The following PPP2R3B variants were observed in gnomAD, a reference collection of about 807,000 sequenced individuals.
PPP2R3B encodes protein phosphatase 2 regulatory subunit B''beta, also known as serine/threonine-protein phosphatase 2A regulatory subunit B'' subunit beta.
Under a neutral mutation model 72.9 loss-of-function variants are expected in PPP2R3B, and 68 were observed. That is an observed-to-expected ratio of 0.93 (90% CI 0.77 to 1.14). The LOEUF is 1.14. PPP2R3B is among the 50% of genes most tolerant of loss of function. The pLI is 0.00. For missense variants in PPP2R3B, 1,018 were observed against 842.0 expected, an observed-to-expected ratio of 1.21 and a Z score of -2.59; for synonymous variants, 466 against 375.8, an observed-to-expected ratio of 1.24 and a Z score of -2.78.
intron 12 of PPP2R3B, chrX:337,629 G>A (rs1405842218): frequency 6.6e-6 from 1 of 152,328 alleles, no homozygotes; most frequent in Non-Finnish European, 1.5e-5. Flanking sequence ...CTGAGTCTAA[G>A]ATTCACACAC....
Position 346,198 on chromosome X carries a change from C to T in PPP2R3B, c.855G>A (p.Glu285=). The T allele has an allele frequency of 1.3e-6, 2 of 1,565,932 alleles. No homozygotes were observed. The highest frequency in any genetic ancestry group is 1.4e-5 in the African/African-American group (1 of 73,672). ...CCTGCAGGAAGGAGCTCCTCCGCAGCTCGGCGCAGGTGATCCTGCCGGACC... is the reference window on the plus strand; with the variant it reads ...CCTGCAGGAAGGAGCTCCTCCGCAGTTCGGCGCAGGTGATCCTGCCGGACC... ...RSWSGRITCA[E]LRRSSFLQNV... is the part of the protein sequence containing the mutation. Residue 285 remains glutamate, a synonymous_variant, in exon 6 of 13, where the codon GAG becomes GAA. Transcript: ENST00000390665.
chrX:367,195 G>A (rs1226837042), intron 1 of PPP2R3B, among the ~76,000 whole-genome samples: 4 of 152,138 alleles, frequency 2.6e-5, no homozygotes, highest in African/African-American at 4.8e-5. Flanking sequence ...TGAAGAGCAG[G>A]TCAGCGGTAA....
Position 347,291 on chromosome X carries a change from C to A in PPP2R3B, c.660G>T (p.Leu220=). Residue 220 remains leucine, a synonymous_variant, in exon 4 of 13, where the codon CTG becomes CTT. Coordinates refer to ENST00000390665, the MANE Select transcript of PPP2R3B (RefSeq NM_013239.5). ...CHDDAAKFVH[L]LMSPGCNYLV... Reference sequence around the variant, plus strand: ...GGTAGTTGCAGCCGGGGCTCATGAGCAGATGGACGAACTTGGCCGCGTCGT... The same window carrying A: ...GGTAGTTGCAGCCGGGGCTCATGAGAAGATGGACGAACTTGGCCGCGTCGT... 1 of 1,613,802 alleles carries A rather than the reference C, an allele frequency of 6.2e-7. No homozygotes were observed. Among genetic ancestry groups the A allele is most frequent in the Non-Finnish European group, 8.5e-7 (1 of 1,179,790 alleles).
At chrX:367,320 A>G (rs73613896) in intron 1 of PPP2R3B, among the ~76,000 whole-genome samples, 3,448 of 152,288 alleles carry the variant, frequency 0.023, 130 homozygotes, top group African/African-American at 0.079. Flanking sequence ...AAAAAAGTCA[A>G]TACAACAGCC....
At chrX:372,470 C>A (rs1336053425) in intron 1 of PPP2R3B, among the ~76,000 whole-genome samples, 4 of 152,200 alleles carry the variant, frequency 2.6e-5, no homozygotes, top group African/African-American at 7.2e-5. Context: ...GCGCCCGCCA[C>A]GCACACCCTG....
intron 9 of PPP2R3B, 54 bp downstream of exon 9, chrX:341,252 TG>T: frequency 5.0e-6 from 8 of 1,585,684 alleles, no homozygotes; most frequent in Middle Eastern, 1.7e-4. Context: ...ACATGTCACA[TG>T]GGCGGCTCCC....
chrX:374,212 C>A (rs1339664023), intron 1 of PPP2R3B, among the ~76,000 whole-genome samples: 2 of 152,166 alleles, frequency 1.3e-5, no homozygotes, highest in Non-Finnish European at 2.9e-5. Flanking sequence ...GCGCTCCCCG[C>A]GAGAAGTGAG....
At chrX:362,800 AG>A (rs1295098182) in intron 1 of PPP2R3B, among the ~76,000 whole-genome samples, 5 of 152,042 alleles carry the variant, frequency 3.3e-5, no homozygotes, top group Admixed American at 2.6e-4. Context: ...CTACTCCCAC[AG>A]GACCCTCACC....
Position 341,490 on chromosome X carries a change from C to CCCT in PPP2R3B, c.1086-95_1086-94insAGG, listed in dbSNP as rs1043290251. 41 of 1,232,368 alleles carry CCCT rather than the reference C, an allele frequency of 3.3e-5. 1 individual carries two copies. The highest frequency in any genetic ancestry group is 4.3e-5 in the Non-Finnish European group (38 of 874,354). 76.3% of individuals were successfully genotyped at this position (1,232,368 alleles called of 1,614,324 possible). ...TGTCCACGCGCCTCGGTGAGGGGAG[C>CCCT]CCCCCGGGCCCGGCCCTCCTCCTGC... On this transcript the variant is annotated intron_variant, in intron 8 of 12. Coordinates refer to ENST00000390665, the MANE Select transcript of PPP2R3B (RefSeq NM_013239.5).
rs767487201 is a variant in PPP2R3B, at chrX:386,460, C to T, written c.232G>A (p.Gly78Arg). ...PSGLEPPGTP[G>R]PGPALPLGAA... The stretch of plus-strand genomic sequence containing the variant: ...CCCAGGGGCAGCGCAGGGCCCGGCC[C>T]GGGGGTTCCCGGGGGTTCGAGCCCG... Residue 78 changes from glycine (G) to arginine (R), a missense_variant, in exon 1 of 13, where the codon GGG (glycine) becomes AGG (arginine). Gly to Arg is a moderately radical substitution (Grantham distance 125). Coordinates refer to ENST00000390665, the MANE Select transcript of PPP2R3B (RefSeq NM_013239.5). 3 of 1,286,516 alleles carry T rather than the reference C, an allele frequency of 2.3e-6. No homozygotes were observed. Among genetic ancestry groups the T allele is most frequent in the South Asian group, 3.2e-5 (1 of 30,778 alleles). The allele number at this position is 1,286,516 out of a possible 1,614,324, so 79.7% of individuals were successfully genotyped here. A position where few individuals can be genotyped will look rare whatever the true frequency, so the allele number is the denominator to read the frequency against.
At chrX:341,641 C>T (rs749072832) in intron 8 of PPP2R3B, 170 of 645,622 alleles carry the variant, frequency 2.6e-4, no homozygotes, top group Non-Finnish European at 4.1e-4. Context: ...GCCCAGCGCC[C>T]GACAAGAACC....
rs778452935 is a variant in PPP2R3B at position 334,565 on chromosome X, C to A, written c.1578-48G>T. On this transcript the variant is annotated intron_variant, in intron 12 of 12. Coordinates refer to ENST00000390665, the MANE Select transcript of PPP2R3B (RefSeq NM_013239.5). ...ACGTGGCCAGCAGCGCGGAGCAGGC[C>A]CTGGGCCGTTTTCCGGGAAACACAG... The A allele has an allele frequency of 2.8e-6, 4 of 1,417,654 alleles. No homozygotes were observed. In the East Asian group the frequency reaches 1.1e-4, roughly 39 times the overall value. The allele number at this position is 1,417,654 out of a possible 1,614,324, so 87.8% of individuals were successfully genotyped here.
At chrX:380,751 A>G (rs1393031744) in intron 1 of PPP2R3B, among the ~76,000 whole-genome samples, 1 of 138,750 alleles carries the variant, frequency 7.2e-6, no homozygotes, top group Non-Finnish European at 1.5e-5. Context: ...GCGTCATTGC[A>G]CTGCAGCCTG....
chrX:354,519 C>T (rs1338920477), intron 2 of PPP2R3B, among the ~76,000 whole-genome samples: 1 of 152,234 alleles, frequency 6.6e-6, no homozygotes, highest in African/African-American at 2.4e-5. Context: ...CATTTAGCAT[C>T]CCGGACAAAC....
At chrX:382,101 G>A (rs1012407685) in intron 1 of PPP2R3B, among the ~76,000 whole-genome samples, 4 of 151,858 alleles carry the variant, frequency 2.6e-5, no homozygotes, top group African/African-American at 4.8e-5. Flanking sequence ...CACCCTGGCC[G>A]CCATGCCCAC....
rs766060028 is a variant in PPP2R3B, at chrX:334,365, C to T, written c.*2G>A. ...CCCGCGGCGGCGTTCTCGCGGGCGG[C>T]GTCACAGCGGCTCCAGGTCCTCGTC... On this transcript the variant is annotated 3_prime_UTR_variant, in exon 13 of 13. Transcript: ENST00000390665. The T allele has an allele frequency of 2.7e-5, 40 of 1,496,256 alleles. No homozygotes were observed. The highest frequency in any genetic ancestry group is 2.0e-4 in the East Asian group (8 of 39,608). 92.7% of individuals were successfully genotyped at this position (1,496,256 alleles called of 1,614,324 possible). A position where few individuals can be genotyped will look rare whatever the true frequency, so the allele number is the denominator to read the frequency against.
intron 2 of PPP2R3B, among the ~76,000 whole-genome samples, chrX:360,834 G>A (rs2071523020): frequency 6.6e-6 from 1 of 152,256 alleles, no homozygotes; most frequent in Non-Finnish European, 1.5e-5. Flanking sequence ...ACTAAACTGA[G>A]TGTGCTCCAT....
intron 2 of PPP2R3B, among the ~76,000 whole-genome samples, chrX:359,311 C>G (rs1274634439): frequency 1.3e-5 from 2 of 152,228 alleles, no homozygotes; most frequent in Non-Finnish European, 2.9e-5. Context: ...AAGGATAAAA[C>G]GCGGAAGCTG....
At chrX:380,822 C>T (rs2072107528) in intron 1 of PPP2R3B, among the ~76,000 whole-genome samples, 1 of 149,242 alleles carries the variant, frequency 6.7e-6, no homozygotes, top group African/African-American at 2.5e-5. Flanking sequence ...GCAGCTCATC[C>T]ACATGAGGTT....
Sources: allele counts gnomAD v4.1 joint callset (sites outside exome capture counted in the v4.1 genomes callset), GRCh38; gene constraint gnomAD v4.1.1; transcripts MANE v1.5; gene names NCBI Gene and HGNC (gene_info 2026-07-23, HGNC 2026-07-21).